The following PLEKHA5 variants were observed in gnomAD, a reference collection of about 807,000 sequenced individuals.
PLEKHA5 encodes pleckstrin homology domain-containing family A member 5.
A neutral mutation model predicts 181.9 loss-of-function variants in PLEKHA5; 55 were observed. That is an observed-to-expected ratio of 0.30 (90% confidence interval 0.24 to 0.38). The LOEUF is 0.38. Among genes scored for constraint, PLEKHA5 ranks in the 10% least tolerant of loss-of-function variants. The pLI, the probability that PLEKHA5 is intolerant of heterozygous loss-of-function variation, is 1.00. For synonymous variants in PLEKHA5, 535 were observed against 529.4 expected, an observed-to-expected ratio of 1.01 and a Z score of -0.15; for missense variants, 1,432 against 1,549.5, an observed-to-expected ratio of 0.92 and a Z score of 1.27.
chr12:19,313,249 C>G (rs1380916908), intron 15 of PLEKHA5, among the ~76,000 whole-genome samples: 1 of 152,072 alleles, frequency 6.6e-6, no homozygotes, highest in Admixed American at 6.6e-5. Context: ...GTGGCATGTG[C>G]CTGTAGTCCT....
At chr12:19,310,337 G>A (rs1346547375) in intron 15 of PLEKHA5, among the ~76,000 whole-genome samples, 1 of 151,954 alleles carries the variant, frequency 6.6e-6, no homozygotes, top group East Asian at 1.9e-4. Flanking sequence ...GAACTTGAAG[G>A]CCAGGCTCAT....
chr12:19,263,488 C>T (rs1414938650), intron 7 of PLEKHA5, among the ~76,000 whole-genome samples: 2 of 152,192 alleles, frequency 1.3e-5, no homozygotes, highest in Non-Finnish European at 2.9e-5. Context: ...TTCATTTCTT[C>T]TCCATTTCTC....
At chr12:19,205,355 C>T (rs999871973) in intron 3 of PLEKHA5, 10 of 984,120 alleles carry the variant, frequency 1.0e-5, no homozygotes, top group Non-Finnish European at 1.2e-5. Context: ...CCTTTGTCAT[C>T]GTTCTGTCAG....
intron 3 of PLEKHA5, among the ~76,000 whole-genome samples, chr12:19,193,564 A>C (rs752922967): frequency 5.3e-5 from 8 of 152,088 alleles, no homozygotes; most frequent in Non-Finnish European, 1.2e-4. Flanking sequence ...GCATTGTGGT[A>C]AAATCAGGGC....
At chr12:19,160,466 C>CTT (rs972978857) in intron 3 of PLEKHA5, among the ~76,000 whole-genome samples, 1 of 152,058 alleles carries the variant, frequency 6.6e-6, no homozygotes, top group African/African-American at 2.4e-5. Context: ...GGAATATGTG[C>CTT]TTCTGTTGGG....
chr12:19,180,796 T>G (rs1441842221), intron 3 of PLEKHA5, among the ~76,000 whole-genome samples: 13 of 11,592 alleles, frequency 1.1e-3, no homozygotes, highest in Admixed American at 7.4e-3. Flanking sequence ...AATATAGTGT[T>G]TTTTTTTTTT....
chr12:19,174,076 G>C (rs2046623772), intron 3 of PLEKHA5, among the ~76,000 whole-genome samples: 1 of 152,148 alleles, frequency 6.6e-6, no homozygotes, highest in Non-Finnish European at 1.5e-5. Flanking sequence ...GGAGAAAAGT[G>C]ATTTGTTTTT....
intron 18 of PLEKHA5, 58 bp from the exon 19 acceptor site, chr12:19,322,252 C>T (rs1253925293): frequency 1.9e-6 from 2 of 1,027,754 alleles, no homozygotes; most frequent in Non-Finnish European, 3.1e-6. Context: ...TGACTGCCTA[C>T]CTCCAATTAC....
At chr12:19,217,515 G>A (rs2058176473) in intron 3 of PLEKHA5, among the ~76,000 whole-genome samples, 1 of 152,110 alleles carries the variant, frequency 6.6e-6, no homozygotes, top group East Asian at 1.9e-4. Context: ...TGTGGGATAA[G>A]GTAGGGATGC....
Position 19,375,863 on chromosome 12 carries a change from T to G in PLEKHA5, c.*344T>G, listed in dbSNP as rs772795258. 4 of 152,558 alleles carry G rather than the reference T, an allele frequency of 2.6e-5. No individual in the cohort carries two copies. The highest frequency in any genetic ancestry group is 6.6e-5 in the Admixed American group (1 of 15,262). 9.5% of individuals were successfully genotyped at this position (152,558 alleles called of 1,614,324 possible). On this transcript the variant is annotated 3_prime_UTR_variant, in exon 32 of 32. Coordinates refer to ENST00000429027, the MANE Select transcript of PLEKHA5 (RefSeq NM_001256470.2). Reference sequence around the variant, plus strand: ...GATTTCGATGTTTCTTAAGTCTAGGTGAATTTATATATATATTTTTTTGCT... The same window carrying G: ...GATTTCGATGTTTCTTAAGTCTAGGGGAATTTATATATATATTTTTTTGCT...
rs140562956 is a variant in PLEKHA5 at position 19,285,858 on chromosome 12, T to C, written c.1780-1615T>C. On this transcript the variant is annotated intron_variant, in intron 12 of 31. Coordinates refer to ENST00000429027, the MANE Select transcript of PLEKHA5 (RefSeq NM_001256470.2). Reference sequence around the variant, plus strand: ...AAAGCATTTCTATGGCATACCAAAGTGCTAACCGTTGTCTCACAGTAAAAC... The same window carrying C: ...AAAGCATTTCTATGGCATACCAAAGCGCTAACCGTTGTCTCACAGTAAAAC... 2.5e-3 allele frequency among the ~76,000 whole-genome samples: 381 copies of C among 152,356 alleles called. 2 individuals are homozygous for C. The highest frequency in any genetic ancestry group is 4.2e-3 in the Non-Finnish European group (289 of 68,032).
At position 19,299,441 on chromosome 12, in the gene PLEKHA5, G is replaced by C. The variant is rs140412512; in HGVS notation, c.2037+7744G>C. ...TGGCAATGCTTCTCCTGAATCTTTA[G>C]TCAGCAAATCATTTAGTCAGCAAAT... On this transcript the variant is annotated intron_variant, in intron 15 of 31. Coordinates refer to ENST00000429027, the MANE Select transcript of PLEKHA5 (RefSeq NM_001256470.2). Among the ~76,000 whole-genome samples the C allele has an allele frequency of 5.4e-3, 820 of 152,198 alleles. 5 individuals carry two copies. Among genetic ancestry groups the C allele is most frequent in the Non-Finnish European group, 8.5e-3 (577 of 68,010 alleles).
At chr12:19,352,334 G>A (rs192989872) in intron 25 of PLEKHA5, among the ~76,000 whole-genome samples, 41 of 151,252 alleles carry the variant, frequency 2.7e-4, no homozygotes, top group African/African-American at 8.7e-4. Context: ...GCAGTGAGCC[G>A]AGATCGTGCC....
intron 10 of PLEKHA5, among the ~76,000 whole-genome samples, chr12:19,270,962 A>G (rs947244246): frequency 6.6e-6 from 1 of 152,170 alleles, no homozygotes; most frequent in African/African-American, 2.4e-5. Context: ...TGTAAATATC[A>G]AGTCTAAATC....
intron 3 of PLEKHA5, among the ~76,000 whole-genome samples, chr12:19,185,530 A>G (rs1360045592): frequency 6.6e-6 from 1 of 152,186 alleles, no homozygotes; most frequent in African/African-American, 2.4e-5. Flanking sequence ...AGTAGGAGGT[A>G]AAGAACGGAG....
intron 3 of PLEKHA5, among the ~76,000 whole-genome samples, chr12:19,142,884 C>A (rs2037814538): frequency 6.6e-6 from 1 of 152,100 alleles, no homozygotes; most frequent in African/African-American, 2.4e-5. Context: ...TAAGATCATG[C>A]AGTATTTTTC....
intron 15 of PLEKHA5, among the ~76,000 whole-genome samples, chr12:19,302,241 T>G (rs527386109): frequency 2.6e-5 from 4 of 152,322 alleles, no homozygotes; most frequent in East Asian, 1.9e-4. Context: ...GAGATGGGTC[T>G]TCTTCTTAGT....
intron 15 of PLEKHA5, among the ~76,000 whole-genome samples, chr12:19,299,360 C>T (rs1265570947): frequency 6.6e-6 from 1 of 152,178 alleles, no homozygotes; most frequent in African/African-American, 2.4e-5. Flanking sequence ...AGAACAAAGG[C>T]TACCATAACA....
intron 3 of PLEKHA5, among the ~76,000 whole-genome samples, chr12:19,199,110 G>A (rs964242601): frequency 6.6e-6 from 1 of 152,016 alleles, no homozygotes; most frequent in Non-Finnish European, 1.5e-5. Flanking sequence ...GATCATTACA[G>A]TTATTTTATG....
Sources: gnomAD v4.1 joint callset for allele counts (sites outside exome capture counted in the v4.1 genomes callset) on GRCh38, gnomAD v4.1.1 for gene constraint, MANE v1.5 for transcripts, NCBI Gene and HGNC (gene_info 2026-07-23, HGNC 2026-07-21) for gene names.